Variants in SPINK6 observed in about 807,000 individuals in gnomAD.
SPINK6 encodes the protein serine protease inhibitor Kazal-type 6.
SPINK6 carries 13 observed loss-of-function variants against 11.7 expected under a neutral mutation model. The ratio of observed to expected loss-of-function variants is 1.11; its 90% confidence interval spans 0.72 to 1.76. The LOEUF (loss-of-function observed/expected upper bound fraction) is 1.76. Among genes scored for constraint, SPINK6 ranks in the 40% most tolerant of loss-of-function variants. SPINK6 has a pLI of 0.00. For missense variants in SPINK6, 98 were observed against 93.7 expected, an observed-to-expected ratio of 1.05 and a Z score of -0.19; for synonymous variants, 21 against 31.9, an observed-to-expected ratio of 0.66 and a Z score of 1.15.
intron 2 of SPINK6, among the ~76,000 whole-genome samples, chr5:148,210,129 T>C (rs1432295427): frequency 2.0e-5 from 3 of 149,476 alleles, no homozygotes; most frequent in African/African-American, 7.3e-5. Context: ...TGTTTACATT[T>C]ATTTCTGCAT....
chr5:148,209,961 T>C (rs1755549430), intron 2 of SPINK6, among the ~76,000 whole-genome samples: 2 of 151,578 alleles, frequency 1.3e-5, no homozygotes, highest in Non-Finnish European at 2.9e-5. Flanking sequence ...TATATATGTA[T>C]ACATACATAC....
intron 2 of SPINK6, among the ~76,000 whole-genome samples, chr5:148,209,970 A>ACATACACC (rs1755551187): frequency 6.6e-6 from 1 of 151,198 alleles, no homozygotes; most frequent in Admixed American, 6.6e-5. Context: ...ATACATACAT[A>ACATACACC]CGTACGTATG....
Position 148,206,006 on chromosome 5 carries a change from C to T in SPINK6, c.59-30C>T, listed in dbSNP as rs1755493629. The stretch of plus-strand genomic sequence containing the variant: ...TCACTTTTTGTACATCAATGAATTA[C>T]AGTGTTTGAATGTTGTGCTTTTCTT... On this transcript the variant is annotated intron_variant, in intron 1 of 3. Coordinates refer to ENST00000325630, the MANE Select transcript of SPINK6 (RefSeq NM_205841.4). 4.3e-6 allele frequency: 7 copies of T among 1,612,924 alleles called. No homozygotes were observed. In the South Asian group the frequency reaches 4.4e-5, roughly 10 times the overall value.
intron 3 of SPINK6, among the ~76,000 whole-genome samples, chr5:148,214,537 C>T (rs79425561): frequency 0.021 from 3,212 of 152,194 alleles, 128 homozygotes; most frequent in African/African-American, 0.072. Flanking sequence ...AAATGTCAAA[C>T]GCCTGAATAT....
At chr5:148,209,609 G>C (rs761866314) in intron 2 of SPINK6, among the ~76,000 whole-genome samples, 11 of 152,098 alleles carry the variant, frequency 7.2e-5, no homozygotes, top group Non-Finnish European at 1.0e-4. Flanking sequence ...AAAGGAGGAA[G>C]TATTTGTGCA....
At chr5:148,209,997 C>CGTACATACGTATGTAT (rs1489201046) in intron 2 of SPINK6, among the ~76,000 whole-genome samples, 2 of 145,892 alleles carry the variant, frequency 1.4e-5, no homozygotes, top group African/African-American at 5.0e-5. Flanking sequence ...TACATATACA[C>CGTACATACGTATGTAT]GTATGTATAC....
intron 2 of SPINK6, among the ~76,000 whole-genome samples, chr5:148,212,187 C>T (rs2113316077): frequency 1.3e-5 from 2 of 152,108 alleles, no homozygotes; most frequent in Middle Eastern, 6.8e-3. Context: ...ACCATTCCTA[C>T]TATGGAGCCC....
At chr5:148,214,864 C>G (rs777796576) in intron 3 of SPINK6, 41 bp from the exon 4 acceptor site, 9 of 1,528,168 alleles carry the variant, frequency 5.9e-6, no homozygotes, top group Non-Finnish European at 8.1e-6. Flanking sequence ...TGAGTACTTA[C>G]GATATTGCAC....
intron 1 of SPINK6, among the ~76,000 whole-genome samples, chr5:148,205,518 C>A (rs1018445609): frequency 1.3e-5 from 2 of 152,104 alleles, no homozygotes; most frequent in Non-Finnish European, 2.9e-5. Context: ...TTGTTCCTTA[C>A]CAGTTTATAT....
At chr5:148,211,231 A>G (rs941353818) in intron 2 of SPINK6, among the ~76,000 whole-genome samples, 32 of 152,274 alleles carry the variant, frequency 2.1e-4, no homozygotes, top group Non-Finnish European at 1.0e-4. Context: ...TAAAGGAGGA[A>G]GTATTTGGGT....
chr5:148,206,105 C>T, intron 2 of SPINK6, 47 bp downstream of exon 2: 1 of 1,611,182 alleles, frequency 6.2e-7, no homozygotes, highest in Non-Finnish European at 8.5e-7. Flanking sequence ...TGGTGCTTGG[C>T]TTGATCTTCA....
At chr5:148,207,691 C>T (rs375235094) in intron 2 of SPINK6, among the ~76,000 whole-genome samples, 37 of 152,104 alleles carry the variant, frequency 2.4e-4, no homozygotes, top group African/African-American at 7.9e-4. Context: ...ATTAGCCAGG[C>T]GTGGTGGAGT....
At chr5:148,206,489 T>C (rs1755501236) in intron 2 of SPINK6, among the ~76,000 whole-genome samples, 1 of 152,194 alleles carries the variant, frequency 6.6e-6, no homozygotes, top group South Asian at 2.1e-4. Flanking sequence ...TATGTATTAG[T>C]TATCGATTAA....
At position 148,208,545 on chromosome 5, in the gene SPINK6, G is replaced by A. The variant is rs374332275; in HGVS notation, c.81+2487G>A. On this transcript the variant is annotated intron_variant, in intron 2 of 3. Coordinates refer to ENST00000325630, the MANE Select transcript of SPINK6 (RefSeq NM_205841.4). ...AATTATAGTTAGCAGTCTGAATTATGGACTTCAAAAAATATCACATTAATT... is the reference window on the plus strand; with the variant it reads ...AATTATAGTTAGCAGTCTGAATTATAGACTTCAAAAAATATCACATTAATT... Among the ~76,000 whole-genome samples, 5 of 152,226 alleles carry A rather than the reference G, an allele frequency of 3.3e-5. 1 individual carries two copies. The highest frequency in any genetic ancestry group is 2.0e-4 in the Admixed American group (3 of 15,284).
intron 2 of SPINK6, among the ~76,000 whole-genome samples, chr5:148,207,153 T>G (rs1373215729): frequency 6.6e-6 from 1 of 152,016 alleles, no homozygotes; most frequent in African/African-American, 2.4e-5. Context: ...TAAATAAGCA[T>G]GATAGTATGG....
chr5:148,213,907 T>A lies in SPINK6; in HGVS notation c.82-3T>A. ...GTCAATGTCACTCTGCTTACTTTGGTAGGTTGACTGTGGTGAGTTCCAGGA... is the reference window on the plus strand; with the variant it reads ...GTCAATGTCACTCTGCTTACTTTGGAAGGTTGACTGTGGTGAGTTCCAGGA... On this transcript the variant is annotated splice_region_variant and splice_polypyrimidine_tract_variant and intron_variant, in intron 2 of 3. Coordinates refer to ENST00000325630, the MANE Select transcript of SPINK6 (RefSeq NM_205841.4). 1 of 1,503,882 alleles carries A rather than the reference T, an allele frequency of 6.6e-7. No homozygotes were observed. Among genetic ancestry groups the A allele is most frequent in the Non-Finnish European group, 9.3e-7 (1 of 1,078,040 alleles). The allele number at this position is 1,503,882 out of a possible 1,614,324, so 93.2% of individuals were successfully genotyped here. A position where few individuals can be genotyped will look rare whatever the true frequency, so the allele number is the denominator to read the frequency against.
At chr5:148,210,013 TG>T (rs1755559297) in intron 2 of SPINK6, among the ~76,000 whole-genome samples, 2 of 143,702 alleles carry the variant, frequency 1.4e-5, no homozygotes, top group African/African-American at 2.7e-5. Flanking sequence ...TATACATGTA[TG>T]TACGCATGTA....
chr5:148,209,977 TATGTATGTATACATATAC>T (rs1755552375), intron 2 of SPINK6, among the ~76,000 whole-genome samples: 2 of 140,244 alleles, frequency 1.4e-5, no homozygotes, highest in Non-Finnish European at 3.0e-5. Context: ...CATACGTACG[TATGTATGTATACATATAC>T]ACGTATGTAT....
chr5:148,207,246 A>G (rs1355514522), intron 2 of SPINK6, among the ~76,000 whole-genome samples: 1 of 152,222 alleles, frequency 6.6e-6, no homozygotes, highest in Non-Finnish European at 1.5e-5. Flanking sequence ...AGGTAGTAAA[A>G]TATAGTAAAA....
Sources: gnomAD v4.1 joint callset for allele counts (sites outside exome capture counted in the v4.1 genomes callset) on GRCh38, gnomAD v4.1.1 for gene constraint, MANE v1.5 for transcripts, NCBI Gene and HGNC (gene_info 2026-07-23, HGNC 2026-07-21) for gene names.